GPATCH1: variants seen among roughly 807,000 people sequenced by gnomAD.
The protein encoded by GPATCH1 is G-patch domain containing 1, also known as G patch domain-containing protein 1.
Under a neutral mutation model 114.9 loss-of-function variants are expected in GPATCH1, and 73 were observed. The observed-to-expected ratio is 0.64, with a 90% CI of 0.53 to 0.77. The LOEUF (loss-of-function observed/expected upper bound fraction) is 0.77. Among genes scored for constraint, GPATCH1 ranks in the 30% least tolerant of loss-of-function variants. GPATCH1 has a pLI of 0.00. For synonymous variants in GPATCH1, 391 were observed against 428.4 expected, an observed-to-expected ratio of 0.91 and a Z score of 1.08; for missense variants, 1,058 against 1,144.3, an observed-to-expected ratio of 0.92 and a Z score of 1.09.
At chr19:33,091,475 G>C (rs1972595454) in intron 3 of GPATCH1, among the ~76,000 whole-genome samples, 1 of 150,346 alleles carries the variant, frequency 6.7e-6, no homozygotes, top group African/African-American at 2.4e-5. Context: ...CAGTATCCAT[G>C]GTGCTGGGTC....
At chr19:33,082,544 A>G (rs1472040309) in intron 1 of GPATCH1, among the ~76,000 whole-genome samples, 1 of 152,110 alleles carries the variant, frequency 6.6e-6, no homozygotes, top group African/African-American at 2.4e-5. Context: ...CCCTCGGCTT[A>G]CAAAAGGTTG....
chr19:33,120,305 A>G (rs1345096206), intron 17 of GPATCH1, among the ~76,000 whole-genome samples: 1 of 76,418 alleles, frequency 1.3e-5, no homozygotes, highest in African/African-American at 9.9e-5. Flanking sequence ...AAAATTATAT[A>G]TTTTATACAT....
At chr19:33,113,518 T>C in intron 13 of GPATCH1, 1 of 415,474 alleles carries the variant, frequency 2.4e-6, no homozygotes, top group Non-Finnish European at 4.3e-6. Flanking sequence ...GGTATATTTT[T>C]ATCAGTGGAG....
At chr19:33,110,502 G>C (rs1972839580) in intron 11 of GPATCH1, among the ~76,000 whole-genome samples, 2 of 152,188 alleles carry the variant, frequency 1.3e-5, no homozygotes, top group South Asian at 2.1e-4. Context: ...AATGAGGAAA[G>C]GGGTTGCTGT....
intron 9 of GPATCH1, among the ~76,000 whole-genome samples, chr19:33,102,638 G>T (rs193242329): frequency 5.9e-5 from 9 of 151,926 alleles, no homozygotes; most frequent in South Asian, 4.2e-4. Context: ...CTTGTGATCC[G>T]CCTGCCTCAG....
intron 1 of GPATCH1, among the ~76,000 whole-genome samples, chr19:33,082,236 C>T (rs146993651): frequency 6.6e-6 from 1 of 152,140 alleles, no homozygotes; most frequent in Non-Finnish European, 1.5e-5. Flanking sequence ...AAGGTTCTCT[C>T]CTGTGTTTCT....
chr19:33,110,652 TAA>T (rs72105907), intron 11 of GPATCH1, among the ~76,000 whole-genome samples: 1 of 145,664 alleles, frequency 6.9e-6, no homozygotes. Flanking sequence ...TTATTTGCTT[TAA>T]AAAAAAAAAA....
intron 17 of GPATCH1, among the ~76,000 whole-genome samples, chr19:33,124,271 A>C (rs1448995137): frequency 6.6e-6 from 1 of 152,178 alleles, no homozygotes; most frequent in African/African-American, 2.4e-5. Flanking sequence ...TTTTGGTCTG[A>C]ATTTGGAGAT....
rs144699874 is a variant in GPATCH1 at position 33,108,930 on chromosome 19, G to A, written c.1286-787G>A. ...TTCCATTTTTGCTGACTATAAAACA[G>A]GAATCTTGGCTGGACACAGTGGCTC... On this transcript the variant is annotated intron_variant, in intron 10 of 19. Transcript: ENST00000170564. Among the ~76,000 whole-genome samples the A allele has an allele frequency of 1.1e-4, 16 of 152,338 alleles. No individual in the cohort carries two copies. The East Asian group carries it at 3.1e-3, about 29-fold the overall frequency.
intron 17 of GPATCH1, among the ~76,000 whole-genome samples, chr19:33,120,548 CAAAA>C (rs58579147): frequency 9.6e-5 from 7 of 73,002 alleles, no homozygotes; most frequent in African/African-American, 3.5e-4. Flanking sequence ...GACTCTGTCT[CAAAA>C]AAAAAAAAAA....
At chr19:33,094,298 C>A in intron 5 of GPATCH1, 29 bp downstream of exon 5, 8 of 1,149,832 alleles carry the variant, frequency 7.0e-6, no homozygotes, top group Non-Finnish European at 1.0e-5. Flanking sequence ...TAACTGTTAT[C>A]ACTGCTGCAG....
intron 15 of GPATCH1, among the ~76,000 whole-genome samples, chr19:33,116,712 G>A (rs1224707084): frequency 6.6e-6 from 1 of 152,072 alleles, no homozygotes; most frequent in Non-Finnish European, 1.5e-5. Context: ...TGTATTTTTA[G>A]TAGAGACGGG....
chr19:33,094,249 G>A lies in GPATCH1; in HGVS notation c.533G>A (p.Arg178Gln). Residue 178 changes from arginine to glutamine, a missense_variant, in exon 5 of 20, where the codon CGG (arginine) becomes CAG (glutamine). This residue lies in a region of GPATCH1 where 893 missense variants were observed against 977.4 expected (regional missense o/e 0.91). Coordinates refer to ENST00000170564, the MANE Select transcript of GPATCH1 (RefSeq NM_018025.3). Reference protein sequence around the residue: ...GQGVGPRVKRRPRRQKPDPGV... With the variant: ...GQGVGPRVKRQPRRQKPDPGV... Reference sequence around the variant, plus strand: ...GGAGTTGGTCCTCGAGTAAAGAGACGGCCACGCCGACAGAAACCTGGTGTG... The same window carrying A: ...GGAGTTGGTCCTCGAGTAAAGAGACAGCCACGCCGACAGAAACCTGGTGTG... The A allele has an allele frequency of 2.5e-6, 4 of 1,595,890 alleles. No homozygotes were observed. Among genetic ancestry groups the A allele is most frequent in the African/African-American group, 1.3e-5 (1 of 74,658 alleles).
chr19:33,120,777 CAGG>C (rs934324407), intron 17 of GPATCH1, among the ~76,000 whole-genome samples: 2 of 151,830 alleles, frequency 1.3e-5, no homozygotes, highest in Non-Finnish European at 2.9e-5. Flanking sequence ...ATCACGAGAT[CAGG>C]AGATCGAGAC....
chr19:33,110,131 C>T (rs1242298687), intron 11 of GPATCH1, 115 bp downstream of exon 11: 2 of 902,286 alleles, frequency 2.2e-6, no homozygotes, highest in East Asian at 2.7e-5. Flanking sequence ...AGTGTTTTTG[C>T]TTTATCCTGC....
Position 33,088,112 on chromosome 19 carries a change from CTTTTT to C in GPATCH1, c.74-7_74-3del, listed in dbSNP as rs35343047. 1,084 of 1,101,640 alleles carry C rather than the reference CTTTTT, an allele frequency of 9.8e-4. No homozygotes were observed. The highest frequency in any genetic ancestry group is 2.3e-3 in the Middle Eastern group (8 of 3,442). The allele number at this position is 1,101,640 out of a possible 1,614,324, so 68.2% of individuals were successfully genotyped here. A position where few individuals can be genotyped will look rare whatever the true frequency, so the allele number is the denominator to read the frequency against. ...TCTCCTCTCTTTTTCATTTAAAAAACTTTTTTTTTTTTTTTTTTTAGGTGAAAGAC... is the reference window on the plus strand; with the variant it reads ...TCTCCTCTCTTTTTCATTTAAAAAACTTTTTTTTTTTTTTAGGTGAAAGAC... On this transcript the variant is annotated splice_polypyrimidine_tract_variant and intron_variant, in intron 1 of 19. Coordinates refer to ENST00000170564, the MANE Select transcript of GPATCH1 (RefSeq NM_018025.3).
rs1296104473 is a variant in GPATCH1, at chr19:33,126,511, T to G, written c.2620-77T>G. The G allele has an allele frequency of 6.3e-6, 10 of 1,588,204 alleles. No homozygotes were observed. In the East Asian group the frequency reaches 1.6e-4, roughly 25 times the overall value. The stretch of plus-strand genomic sequence containing the variant: ...TTTGAATGACTCCATCACTGCAGCC[T>G]TGTTAACCTTTCATTGTATTGAATT... On this transcript the variant is annotated intron_variant, in intron 18 of 19. Transcript: ENST00000170564.
chr19:33,108,774 T>C (rs935210099), intron 10 of GPATCH1, among the ~76,000 whole-genome samples: 2 of 152,142 alleles, frequency 1.3e-5, no homozygotes, highest in South Asian at 4.1e-4. Context: ...TTTGTCCCAT[T>C]GGTGAGGGCT....
chr19:33,090,924 G>A, intron 3 of GPATCH1, 59 bp downstream of exon 3: 1 of 995,774 alleles, frequency 1.0e-6, no homozygotes, highest in Non-Finnish European at 1.6e-6. Flanking sequence ...GTTGGTTGCT[G>A]TAACTGCCTT....
Sources: gnomAD v4.1 joint callset for allele counts (sites outside exome capture counted in the v4.1 genomes callset) on GRCh38, gnomAD v4.1.1 for gene constraint, gnomAD v4.1.1 regional missense constraint, MANE v1.5 for transcripts, NCBI Gene and HGNC (gene_info 2026-07-23, HGNC 2026-07-21) for gene names.